Variants in TEX38 observed in about 807,000 individuals in gnomAD.
TEX38 encodes testis expressed 38.
In TEX38, 5 loss-of-function variants were observed where a neutral mutation model predicts 2.7. The observed-to-expected ratio is 1.86, with a 90% CI of 0.97 to 3.90. The LOEUF (loss-of-function observed/expected upper bound fraction) is 3.90, where lower values mean the gene tolerates loss of function less well. Ranked by LOEUF, TEX38 falls within the 30% of genes most tolerant of loss-of-function variation. TEX38 has a pLI of 0.00. For missense variants in TEX38, 218 were observed against 247.9 expected, an observed-to-expected ratio of 0.88 and a Z score of 0.81; for synonymous variants, 110 against 103.3, an observed-to-expected ratio of 1.06 and a Z score of -0.39.
chr1:46,671,125 G>A (rs1478726685), upstream of TEX38, among the ~76,000 whole-genome samples: 2 of 152,162 alleles, frequency 1.3e-5, no homozygotes, highest in African/African-American at 2.4e-5. Context: ...GAGTAGGGGG[G>A]CTGAGCTGAG....
upstream of TEX38, chr1:46,671,747 A>T (rs747772721): frequency 2.6e-5 from 17 of 644,064 alleles, no homozygotes; most frequent in Non-Finnish European, 4.5e-5. Flanking sequence ...TTAACCCAGG[A>T]CCACTTCACA....
chr1:46,673,305 C>A lies in TEX38; in HGVS notation c.470C>A (p.Pro157Gln). The stretch of plus-strand genomic sequence containing the variant: ...ATCTTTCAGGAGGTGCCCTTTGCCC[C>A]ACCCTTGTGCAACCTACCCCCCCTG... ...LPIFQEVPFA[P>Q]PLCNLPPLLN... Residue 157 changes from proline to glutamine, a missense_variant, in exon 2 of 2, where the codon CCA (proline) becomes CAA (glutamine). By Grantham distance (76) the Pro-to-Gln change is moderately conservative. Coordinates refer to ENST00000334122, the MANE Select transcript of TEX38 (RefSeq NM_001145474.4). 6.4e-7 allele frequency: 1 copy of A among 1,551,840 alleles called. No homozygotes were observed. Among genetic ancestry groups the A allele is most frequent in the Non-Finnish European group, 8.7e-7 (1 of 1,147,038 alleles).
chr1:46,673,378 T>C lies in TEX38; in HGVS notation c.543T>C (p.Asn181=). Residue 181 remains asparagine (N), a synonymous_variant, in exon 2 of 2, where the codon AAT becomes AAC. Coordinates refer to ENST00000334122, the MANE Select transcript of TEX38 (RefSeq NM_001145474.4). ...SYPLATCPER[N]VLFHSLLNLA... is the part of the protein sequence containing the mutation. Reference sequence around the variant, plus strand: ...CTTTGGCCACCTGTCCTGAAAGGAATGTTCTCTTCCATTCCCTCCTGAATC... The same window carrying C: ...CTTTGGCCACCTGTCCTGAAAGGAACGTTCTCTTCCATTCCCTCCTGAATC... 6.4e-7 allele frequency: 1 copy of C among 1,551,980 alleles called. No homozygotes were observed. Among genetic ancestry groups the C allele is most frequent in the Non-Finnish European group, 8.7e-7 (1 of 1,147,058 alleles).
At chr1:46,670,893 C>A (rs1304624185), upstream of TEX38, among the ~76,000 whole-genome samples, 1 of 152,126 alleles carries the variant, frequency 6.6e-6, no homozygotes, top group Non-Finnish European at 1.5e-5. Flanking sequence ...GGCTTTCTAA[C>A]TGAGCTGCCC....
chr1:46,669,343 AG>A (rs988783017), upstream of TEX38: 15 of 454,234 alleles, frequency 3.3e-5, no homozygotes, highest in Non-Finnish European at 6.6e-5. Flanking sequence ...GCCCTGTGCG[AG>A]GAACAGTGTA....
In TEX38 at chr1:46,673,379, G is replaced by A. The variant is rs199689813; in HGVS notation, c.544G>A (p.Val182Ile). 43 of 1,551,788 alleles carry A rather than the reference G, an allele frequency of 2.8e-5. No individual in the cohort carries two copies. The highest frequency in any genetic ancestry group is 1.7e-4 in the Middle Eastern group (1 of 6,014). The change falls in exon 2 of 2, where the codon GTT becomes ATT. Residue 182 changes from valine (V) to isoleucine (I), a missense_variant. Transcript: ENST00000334122. The part of the protein sequence containing the change: ...YPLATCPERN[V>I]LFHSLLNLAQ... ...TTTGGCCACCTGTCCTGAAAGGAAT[G>A]TTCTCTTCCATTCCCTCCTGAATCT...
upstream of TEX38, among the ~76,000 whole-genome samples, chr1:46,671,023 C>T (rs1258664971): frequency 7.9e-5 from 12 of 152,054 alleles, no homozygotes; most frequent in Admixed American, 5.9e-4. Context: ...CAAGCATGGC[C>T]CTGATGGTGG....
upstream of TEX38, among the ~76,000 whole-genome samples, chr1:46,670,442 T>C (rs1676566821): frequency 6.6e-6 from 1 of 152,140 alleles, no homozygotes; most frequent in Non-Finnish European, 1.5e-5. Flanking sequence ...CATGTTGGTT[T>C]GGGATAATTT....
chr1:46,669,058 T>G (rs886131733), upstream of TEX38: 6 of 192,444 alleles, frequency 3.1e-5, no homozygotes, highest in African/African-American at 1.4e-4. Flanking sequence ...CCTGGAATCC[T>G]CTCTCCTTCC....
rs1197643138 is a variant in TEX38 at position 46,673,428 on chromosome 1, A to G, written c.593A>G (p.Asn198Ser). The stretch of plus-strand genomic sequence containing the variant: ...CTGGCCCAGGAAGACCATAGCTTCA[A>G]TGCCAAGCCTTTTCCTTCAGAACTG... ...LNLAQEDHSF[N>S]AKPFPSEL is the part of the protein sequence containing the mutation. Residue 198 changes from asparagine (N) to serine (S), a missense_variant, in exon 2 of 2, where the codon AAT becomes AGT. By Grantham distance (46) the Asn-to-Ser change is conservative. Coordinates refer to ENST00000334122, the MANE Select transcript of TEX38 (RefSeq NM_001145474.4). 2 of 1,551,536 alleles carry G rather than the reference A, an allele frequency of 1.3e-6. No individual in the cohort carries two copies.
chr1:46,672,000 G>T lies in TEX38; in HGVS notation c.37+29G>T, dbSNP rs774756134. 22 of 1,506,508 alleles carry T rather than the reference G, an allele frequency of 1.5e-5. No individual in the cohort carries two copies. In the South Asian group the frequency reaches 2.8e-4, roughly 19 times the overall value. 93.3% of individuals were successfully genotyped at this position (1,506,508 alleles called of 1,614,324 possible). A position where few individuals can be genotyped will look rare whatever the true frequency, so the allele number is the denominator to read the frequency against. ...AGTGCTCCTCCAGTCCCTGTCACTG[G>T]ACTTGTGCCTTAGGGCTTGGGGACA... is the stretch of plus-strand genomic sequence containing the variant. On this transcript the variant is annotated intron_variant, in intron 1 of 1. Transcript: ENST00000334122.
At chr1:46,669,836 G>A (rs1291275533), upstream of TEX38, among the ~76,000 whole-genome samples, 1 of 152,172 alleles carries the variant, frequency 6.6e-6, no homozygotes, top group Non-Finnish European at 1.5e-5. Context: ...ATGAGTGAGG[G>A]CACAGCAGCA....
upstream of TEX38, among the ~76,000 whole-genome samples, chr1:46,671,397 G>C (rs1268751869): frequency 6.6e-6 from 1 of 152,208 alleles, no homozygotes; most frequent in Non-Finnish European, 1.5e-5. Context: ...TTAAATAAAA[G>C]ACAGATTGTT....
rs569838281 is a variant in TEX38 at position 46,672,288 on chromosome 1, C to T, written c.37+317C>T. ...GAGATGAAGTTTTGCTCTGTTGCCCCGGCTGGAGTGCAGTGGCTCAATCTA... is the reference window on the plus strand; with the variant it reads ...GAGATGAAGTTTTGCTCTGTTGCCCTGGCTGGAGTGCAGTGGCTCAATCTA... On this transcript the variant is annotated intron_variant, in intron 1 of 1. Coordinates refer to ENST00000334122, the MANE Select transcript of TEX38 (RefSeq NM_001145474.4). 7.9e-5 allele frequency among the ~76,000 whole-genome samples: 12 copies of T among 151,470 alleles called. No homozygotes were observed. In the South Asian group the frequency reaches 2.5e-3, roughly 32 times the overall value.
At position 46,672,951 on chromosome 1, in the gene TEX38, G is replaced by A. The variant is rs1354231344; in HGVS notation, c.116G>A (p.Arg39Lys). Residue 39 changes from arginine to lysine, a missense_variant, in exon 2 of 2, where the codon AGG (arginine) becomes AAG (lysine). Arg to Lys is a conservative substitution (Grantham distance 26, BLOSUM62 2). Transcript: ENST00000334122. ...TGGCIIFLHW[R>K]KNLRREEHAQ... is the part of the protein sequence containing the mutation. ...GGGTGCATTATCTTTCTGCACTGGA[G>A]GAAGAACTTGAGGCGGGAAGAGCAT... 8.4e-6 allele frequency: 13 copies of A among 1,551,732 alleles called. No homozygotes were observed. The highest frequency in any genetic ancestry group is 1.1e-5 in the Non-Finnish European group (13 of 1,146,992).
At chr1:46,670,104 C>A (rs1458536722), upstream of TEX38, among the ~76,000 whole-genome samples, 1 of 152,116 alleles carries the variant, frequency 6.6e-6, no homozygotes, top group African/African-American at 2.4e-5. Context: ...TTGAAAGCCC[C>A]ATGTCCTGAG....
upstream of TEX38, among the ~76,000 whole-genome samples, chr1:46,670,668 G>A (rs986980100): frequency 2.6e-5 from 4 of 152,168 alleles, no homozygotes; most frequent in Non-Finnish European, 5.9e-5. Flanking sequence ...GGGGAAAAGG[G>A]AGAAACCAGC....
Position 46,673,360 on chromosome 1 carries a change from C to A in TEX38, c.525C>A (p.Ala175=). 1 of 1,551,908 alleles carries A rather than the reference C, an allele frequency of 6.4e-7. No individual in the cohort carries two copies. The highest frequency in any genetic ancestry group is 1.2e-5 in the South Asian group (1 of 84,054). The change falls in exon 2 of 2, where the codon GCC becomes GCA. Residue 175 remains alanine, a synonymous_variant. Coordinates refer to ENST00000334122, the MANE Select transcript of TEX38 (RefSeq NM_001145474.4). ...ACCACTCTGTCTCCTATCCTTTGGC[C>A]ACCTGTCCTGAAAGGAATGTTCTCT... is the stretch of plus-strand genomic sequence containing the variant. The part of the protein sequence containing the change: ...LLNHSVSYPL[A]TCPERNVLFH...
chr1:46,671,880 G>A lies in TEX38; in HGVS notation c.-55G>A. ...GATGGGCTGACTGGCTGGGCAGATG[G>A]GTGGGTGAGTTCCCTCTCCCCAGAG... On this transcript the variant is annotated 5_prime_UTR_variant, in exon 1 of 2. Coordinates refer to ENST00000334122, the MANE Select transcript of TEX38 (RefSeq NM_001145474.4). 1 of 1,527,378 alleles carries A rather than the reference G, an allele frequency of 6.5e-7. No individual in the cohort carries two copies. The allele number at this position is 1,527,378 out of a possible 1,614,324, so 94.6% of individuals were successfully genotyped here.
Sources: gnomAD v4.1 joint callset for allele counts (sites outside exome capture counted in the v4.1 genomes callset) on GRCh38, gnomAD v4.1.1 for gene constraint, MANE v1.5 for transcripts, NCBI Gene and HGNC (gene_info 2026-07-23, HGNC 2026-07-21) for gene names.